Variants in PILRA observed in about 807,000 individuals in gnomAD.
The protein encoded by PILRA is paired immunoglobin like type 2 receptor alpha.
PILRA carries 37 observed loss-of-function variants against 33.1 expected under a neutral mutation model. The ratio of observed to expected loss-of-function variants is 1.12; its 90% CI spans 0.86 to 1.47. The LOEUF (loss-of-function observed/expected upper bound fraction) is 1.47. Among genes scored for constraint, PILRA ranks in the 40% most tolerant of loss-of-function variants. The probability of loss-of-function intolerance (pLI) is 0.00; values close to 1 mark genes in which losing one functional copy is unlikely to be tolerated. For synonymous variants in PILRA, 146 were observed against 149.9 expected (o/e 0.97, Z 0.19); for missense variants, 312 against 376.2 (o/e 0.83, Z 1.41).
rs774626347 is a variant in PILRA at position 100,374,249 on chromosome 7, C to T, written c.270C>T (p.His90=). 1.2e-6 allele frequency: 2 copies of T among 1,614,058 alleles called. No homozygotes were observed. Among genetic ancestry groups the T allele is most frequent in the South Asian group, 2.2e-5 (2 of 91,088 alleles). The change falls in exon 2 of 7, where the codon CAC becomes CAT. Residue 90 remains histidine (H), a synonymous_variant. Transcript: ENST00000198536. The part of the protein sequence containing the change: ...SFYSTRPPSI[H]KDYVNRLFLN... ...ACAGCACAAGGCCGCCTTCCATTCA[C>T]AAGGATTATGTGAACCGGCTCTTTC...
chr7:100,375,492 G>A (rs1790923149), intron 2 of PILRA, among the ~76,000 whole-genome samples: 4 of 152,218 alleles, frequency 2.6e-5, no homozygotes, highest in South Asian at 2.1e-4. Flanking sequence ...AACACTTTGG[G>A]AGGCCAAGGT....
Position 100,399,776 on chromosome 7 carries a change from C to T in PILRA, c.790-9C>T. ...CTGTCTAACCCTTTCTCTCTGGGTT[C>T]TCGCCCAGGATGACGGCATCGTCTA... On this transcript the variant is annotated splice_polypyrimidine_tract_variant and intron_variant, in intron 6 of 6. Coordinates refer to ENST00000198536, the MANE Select transcript of PILRA (RefSeq NM_013439.3). 1 of 1,609,848 alleles carries T rather than the reference C, an allele frequency of 6.2e-7. No homozygotes were observed. The highest frequency in any genetic ancestry group is 8.5e-7 in the Non-Finnish European group (1 of 1,177,796).
Position 100,399,324 on chromosome 7 carries a change from G to A in PILRA, c.741G>A (p.Glu247=). 1 of 1,612,548 alleles carries A rather than the reference G, an allele frequency of 6.2e-7. No homozygotes were observed. Among genetic ancestry groups the A allele is most frequent in the South Asian group, 1.1e-5 (1 of 91,028 alleles). The part of the protein sequence containing the change: ...EPFQNTEEPY[E]NIRNEGQNTD... ...TCCAAAACACAGAGGAGCCATATGAGAATATCAGGAATGAAGGTGAGTCCT... is the reference window on the plus strand; with the variant it reads ...TCCAAAACACAGAGGAGCCATATGAAAATATCAGGAATGAAGGTGAGTCCT... Residue 247 remains glutamate, a synonymous_variant, in exon 5 of 7, where the codon GAG becomes GAA. Coordinates refer to ENST00000198536, the MANE Select transcript of PILRA (RefSeq NM_013439.3).
rs1554456554 is a variant in PILRA at position 100,399,362 on chromosome 7, T to C, written c.757+22T>C. On this transcript the variant is annotated intron_variant, in intron 5 of 6. Coordinates refer to ENST00000198536, the MANE Select transcript of PILRA (RefSeq NM_013439.3). ...GAAGGTGAGTCCTTACCACCATCCTTCCCCAGTTTCTACCCCTGGCACTTC... is the reference window on the plus strand; with the variant it reads ...GAAGGTGAGTCCTTACCACCATCCTCCCCCAGTTTCTACCCCTGGCACTTC... 21 of 1,600,704 alleles carry C rather than the reference T, an allele frequency of 1.3e-5. No homozygotes were observed. In the South Asian group the frequency reaches 2.3e-4, roughly 18 times the overall value.
intron 3 of PILRA, among the ~76,000 whole-genome samples, chr7:100,396,413 G>A (rs1791493615): frequency 6.6e-6 from 1 of 152,176 alleles, no homozygotes; most frequent in Admixed American, 6.5e-5. Flanking sequence ...AGCACTTTGG[G>A]AGGCCAAGGT....
rs372010118 is a variant in PILRA at position 100,399,902 on chromosome 7, G to C, written c.907G>C (p.Ala303Pro). ...CGAGACCCTGTACTCTGTCTTAAAG[G>C]CCTAACCAATGGACAGCCCTCTCAA... is the stretch of plus-strand genomic sequence containing the variant. The part of the protein sequence containing the change: ...QNETLYSVLK[A>P] The change falls in exon 7 of 7, where the codon GCC (alanine) becomes CCC (proline). Residue 303 changes from alanine (A) to proline (P), a missense_variant. Transcript: ENST00000198536. 80 of 1,605,264 alleles carry C rather than the reference G, an allele frequency of 5.0e-5. No individual in the cohort carries two copies. The highest frequency in any genetic ancestry group is 6.4e-5 in the Non-Finnish European group (75 of 1,176,036).
upstream of PILRA, among the ~76,000 whole-genome samples, chr7:100,373,196 G>A (rs1202339239): frequency 1.3e-5 from 2 of 152,122 alleles, no homozygotes; most frequent in Non-Finnish European, 1.5e-5. Flanking sequence ...AATCTGGGGC[G>A]CAGAAGGACA....
Position 100,374,076 on chromosome 7 carries a change from T to C in PILRA, c.97T>C (p.Tyr33His). 1.2e-6 allele frequency: 2 copies of C among 1,614,072 alleles called. No individual in the cohort carries two copies. The highest frequency in any genetic ancestry group is 1.1e-5 in the South Asian group (1 of 91,084). ...CACAGGATCTGGTCCAAGCTACCTTTATGGGGTCACTCAACCAAAACACCT... is the reference window on the plus strand; with the variant it reads ...CACAGGATCTGGTCCAAGCTACCTTCATGGGGTCACTCAACCAAAACACCT... ...GSTGSGPSYL[Y>H]GVTQPKHLSA... The change falls in exon 2 of 7, where the codon TAT becomes CAT. Residue 33 changes from tyrosine to histidine, a missense_variant. Tyr to His is a moderately conservative substitution (Grantham distance 83). Transcript: ENST00000198536.
At chr7:100,396,833 C>T (rs1791503215) in intron 3 of PILRA, among the ~76,000 whole-genome samples, 1 of 151,898 alleles carries the variant, frequency 6.6e-6, no homozygotes, top group African/African-American at 2.4e-5. Context: ...CTGTCAGAAA[C>T]CGCAGGGAGG....
At chr7:100,377,519 G>C (rs1208870748) in intron 2 of PILRA, among the ~76,000 whole-genome samples, 2 of 152,104 alleles carry the variant, frequency 1.3e-5, no homozygotes, top group Non-Finnish European at 2.9e-5. Flanking sequence ...GGGATTACAG[G>C]CTTCAGCCAA....
In PILRA at chr7:100,378,373, A is replaced by C. The variant is rs1379235950; in HGVS notation, c.454+3940A>C. ...TCTTAAAAAACAAAGCAAAACAAAA[A>C]ATATTTTTCTGTTGTTGCCTGCCTG... On this transcript the variant is annotated intron_variant, in intron 2 of 6. Coordinates refer to ENST00000198536, the MANE Select transcript of PILRA (RefSeq NM_013439.3). 2.0e-5 allele frequency among the ~76,000 whole-genome samples: 3 copies of C among 151,598 alleles called. No homozygotes were observed. In the South Asian group the frequency reaches 6.3e-4, roughly 32 times the overall value.
chr7:100,382,167 G>A (rs369985613), intron 2 of PILRA, among the ~76,000 whole-genome samples: 27 of 152,366 alleles, frequency 1.8e-4, no homozygotes, highest in Middle Eastern at 6.8e-3. Context: ...CCTGGTTGGG[G>A]ATCCAATGGG....
At position 100,374,366 on chromosome 7, in the gene PILRA, G is replaced by A. The variant is rs1233604022; in HGVS notation, c.387G>A (p.Leu129=). 2 of 1,614,062 alleles carry A rather than the reference G, an allele frequency of 1.2e-6. No individual in the cohort carries two copies. Among genetic ancestry groups the A allele is most frequent in the South Asian group, 1.1e-5 (1 of 91,074 alleles). ...CTGTGTATTTCTGCCGAGTTGAGCT[G>A]GACACACGGAGCTCAGGGAGGCAGC... The part of the protein sequence containing the change: ...DQSVYFCRVE[L]DTRSSGRQQW... Residue 129 remains leucine (L), a synonymous_variant, in exon 2 of 7, where the codon CTG becomes CTA. Coordinates refer to ENST00000198536, the MANE Select transcript of PILRA (RefSeq NM_013439.3).
intron 2 of PILRA, among the ~76,000 whole-genome samples, chr7:100,387,056 CTCTG>C (rs912055950): frequency 1.3e-4 from 20 of 152,312 alleles, no homozygotes; most frequent in African/African-American, 2.2e-4. Context: ...CTCATTTCTT[CTCTG>C]TCTAATGATC....
intron 1 of PILRA, 141 bp from the exon 2 acceptor site, chr7:100,373,903 G>A (rs1790880190): frequency 7.9e-7 from 1 of 1,272,104 alleles, no homozygotes; most frequent in Admixed American, 2.2e-5. Flanking sequence ...CTGAAGAGTG[G>A]GAGACCCAGG....
At chr7:100,373,331 GCCAAGGTCAGGCCCAGCCCC>G (rs940769673), upstream of PILRA, 55 of 521,530 alleles carry the variant, frequency 1.1e-4, 1 homozygote, top group South Asian at 1.8e-4. Flanking sequence ...GGCCCAGCCA[GCCAAGGTCAGGCCCAGCCCC>G]CCAAGGTCAG....
rs775635334 is a variant in PILRA at position 100,390,123 on chromosome 7, C to T, written c.673+17C>T. ...GAAGGAAAGGTAAGTGCCCAGGACC[C>T]GCCCTCTCCCCAAGCCTCCCATCTG... On this transcript the variant is annotated intron_variant, in intron 3 of 6. Transcript: ENST00000198536. 14 of 1,605,060 alleles carry T rather than the reference C, an allele frequency of 8.7e-6. No individual in the cohort carries two copies. The South Asian group carries it at 8.8e-5, about 10-fold the overall frequency.
At chr7:100,380,637 A>G (rs1791068561) in intron 2 of PILRA, among the ~76,000 whole-genome samples, 1 of 152,162 alleles carries the variant, frequency 6.6e-6, no homozygotes. Context: ...CAACATAGCA[A>G]GACTCTGTCT....
intron 5 of PILRA, 38 bp downstream of exon 5, chr7:100,399,378 C>A: frequency 6.4e-6 from 10 of 1,554,614 alleles, no homozygotes; most frequent in South Asian, 1.1e-5. Flanking sequence ...GTTTCTACCC[C>A]TGGCACTTCC....
Sources: gnomAD v4.1 joint callset for allele counts (sites outside exome capture counted in the v4.1 genomes callset) on GRCh38, gnomAD v4.1.1 for gene constraint, MANE v1.5 for transcripts, NCBI Gene and HGNC (gene_info 2026-07-23, HGNC 2026-07-21) for gene names.